The following YAE1 variants were observed in gnomAD, a reference collection of about 807,000 sequenced individuals.
YAE1 encodes the protein protein YAE1 homolog.
In YAE1, 22 loss-of-function variants were observed where a neutral mutation model predicts 23.0. The observed-to-expected ratio is 0.96, with a 90% CI of 0.68 to 1.37. The LOEUF is 1.37. YAE1 is among the 40% of genes most tolerant of loss of function. The pLI, the probability that YAE1 is intolerant of heterozygous loss-of-function variation, is 0.00. For synonymous variants in YAE1, 101 were observed against 97.0 expected (o/e 1.04, Z -0.24); for missense variants, 260 against 262.1 (o/e 0.99, Z 0.06).
At chr7:39,585,189 T>C (rs1790798177) in intron 2 of YAE1, among the ~76,000 whole-genome samples, 1 of 152,192 alleles carries the variant, frequency 6.6e-6, no homozygotes, top group Non-Finnish European at 1.5e-5. Flanking sequence ...TATTTAGATA[T>C]TCAGAAACAT....
chr7:39,610,117 G>A, exon 3 of YAE1: 1 of 1,034,808 alleles, frequency 9.7e-7, no homozygotes, highest in Non-Finnish European at 1.4e-6. Context: ...CGGCAAGCTA[G>A]AACAATATGT....
downstream of YAE1, among the ~76,000 whole-genome samples, chr7:39,577,334 A>C (rs1460869959): frequency 6.6e-6 from 1 of 152,118 alleles, no homozygotes; most frequent in African/African-American, 2.4e-5. Context: ...CTCAGCACCC[A>C]CTCTGGCTGC....
chr7:39,569,604 A>T (rs1790533307), intron 1 of YAE1: 2 of 597,252 alleles, frequency 3.3e-6, no homozygotes, highest in Admixed American at 1.9e-5. Context: ...CACAAATATC[A>T]TACAGAGTCC....
Position 39,572,372 on chromosome 7 carries a change from A to G in YAE1, c.347A>G (p.Tyr116Cys), listed in dbSNP as rs1413537264. ...GATGCAGTTGGCCAGTGTGAAGAGT[A>G]TGTGCTCAAACATCTGAAATCAATC... is the stretch of plus-strand genomic sequence containing the variant. ...LLDAVGQCEE[Y>C]VLKHLKSITP... The change falls in exon 3 of 3, where the codon TAT becomes TGT. Residue 116 changes from tyrosine (Y) to cysteine (C), a missense_variant. Physicochemically the swap from Tyr to Cys is radical, Grantham distance 194. Coordinates refer to ENST00000223273, the MANE Select transcript of YAE1 (RefSeq NM_020192.5). 6.2e-7 allele frequency: 1 copy of G among 1,614,044 alleles called. No individual in the cohort carries two copies. The highest frequency in any genetic ancestry group is 8.5e-7 in the Non-Finnish European group (1 of 1,179,994).
downstream of YAE1, among the ~76,000 whole-genome samples, chr7:39,610,545 G>A (rs1429925462): frequency 6.6e-6 from 1 of 152,182 alleles, no homozygotes; most frequent in Non-Finnish European, 1.5e-5. Flanking sequence ...GAGCAGCAGT[G>A]TAGCAAAATA....
At chr7:39,609,096 C>T (rs892268676) in intron 2 of YAE1, among the ~76,000 whole-genome samples, 1 of 152,192 alleles carries the variant, frequency 6.6e-6, no homozygotes, top group African/African-American at 2.4e-5. Context: ...GCACTCCAGC[C>T]CGCCAGCCCC....
chr7:39,577,311 G>T (rs966070664), downstream of YAE1, among the ~76,000 whole-genome samples: 1 of 152,242 alleles, frequency 6.6e-6, no homozygotes, highest in Non-Finnish European at 1.5e-5. Context: ...CTCACTCTAG[G>T]TGCCTCCTTG....
At chr7:39,575,577 A>AGAGAGAGAGAGAGAGAGAGTGTGTGTGT, downstream of YAE1, among the ~76,000 whole-genome samples, 1 of 80,274 alleles carries the variant, frequency 1.2e-5, no homozygotes, top group East Asian at 3.1e-4. Context: ...AGAGAGAGAG[A>AGAGAGAGAGAGAGAGAGAGTGTGTGTGT]GTGAGTGTGT....
chr7:39,601,758 CAAA>C (rs5883699), intron 2 of YAE1, among the ~76,000 whole-genome samples: 16 of 130,776 alleles, frequency 1.2e-4, no homozygotes, highest in Admixed American at 2.3e-4. Flanking sequence ...GACTCTGTCT[CAAA>C]AAAAAAAAAA....
intron 2 of YAE1, among the ~76,000 whole-genome samples, chr7:39,590,206 A>C (rs1436489312): frequency 6.6e-6 from 1 of 152,248 alleles, no homozygotes; most frequent in East Asian, 1.9e-4. Context: ...AATACACAAA[A>C]TAATACCGTT....
chr7:39,586,062 C>A (rs964420815), intron 2 of YAE1, among the ~76,000 whole-genome samples: 1 of 152,088 alleles, frequency 6.6e-6, no homozygotes, highest in African/African-American at 2.4e-5. Flanking sequence ...ATCGCACCAC[C>A]GCACTCCAGC....
intron 2 of YAE1, among the ~76,000 whole-genome samples, chr7:39,586,981 C>T (rs115629577): frequency 0.02 from 3,089 of 152,166 alleles, 126 homozygotes; most frequent in African/African-American, 0.069. Context: ...GGTTCACCAC[C>T]AGCCTAAAGC....
downstream of YAE1, among the ~76,000 whole-genome samples, chr7:39,575,581 A>AGTGT (rs1179474179): frequency 7.6e-5 from 8 of 105,440 alleles, no homozygotes; most frequent in African/African-American, 1.1e-4. Flanking sequence ...AGAGAGAGTG[A>AGTGT]GTGTGTGTGT....
intron 2 of YAE1, among the ~76,000 whole-genome samples, chr7:39,601,482 G>A (rs755277457): frequency 1.1e-4 from 16 of 151,918 alleles, no homozygotes; most frequent in Non-Finnish European, 2.2e-4. Flanking sequence ...ATAAAGGGCC[G>A]GGCACGGTGG....
At position 39,601,943 on chromosome 7, in the gene YAE1, G is replaced by A. The variant is rs146761633; in HGVS notation, c.252-7674G>A. On this transcript the variant is annotated intron_variant, in intron 2 of 2. Coordinates refer to the YAE1 transcript ENST00000432096. ...TTCTAACTTCAAGGGGCATAATGCC[G>A]AAGAGTGCCCAGCAAGTGGTTATCT... is the stretch of plus-strand genomic sequence containing the variant. Among the ~76,000 whole-genome samples the A allele has an allele frequency of 1.4e-3, 210 of 152,162 alleles. 2 individuals are homozygous for A. In the East Asian group the frequency reaches 0.017, roughly 12 times the overall value.
At chr7:39,605,417 C>T (rs143965039) in intron 2 of YAE1, among the ~76,000 whole-genome samples, 206 of 152,316 alleles carry the variant, frequency 1.4e-3, no homozygotes, top group Middle Eastern at 6.8e-3. Flanking sequence ...CTATGGGTAG[C>T]CCTTGTCCAA....
intron 2 of YAE1, among the ~76,000 whole-genome samples, chr7:39,587,322 G>T (rs1429729856): frequency 1.3e-5 from 2 of 151,876 alleles, no homozygotes; most frequent in Admixed American, 6.6e-5. Flanking sequence ...CTCCCAATGT[G>T]CTGGGATTAC....
intron 2 of YAE1, among the ~76,000 whole-genome samples, chr7:39,594,877 T>C (rs554565846): frequency 6.6e-6 from 1 of 152,350 alleles, no homozygotes; most frequent in Admixed American, 6.5e-5. Context: ...ATTACAGGTG[T>C]CAGCCACCGT....
chr7:39,603,455 T>TA (rs1791084384), intron 2 of YAE1, among the ~76,000 whole-genome samples: 1 of 152,138 alleles, frequency 6.6e-6, no homozygotes, highest in African/African-American at 2.4e-5. Flanking sequence ...TGAGTTTTGA[T>TA]ATGCAAAAGT....
Sources: gnomAD v4.1 joint callset for allele counts (sites outside exome capture counted in the v4.1 genomes callset) on GRCh38, gnomAD v4.1.1 for gene constraint, MANE v1.5 for transcripts, NCBI Gene and HGNC (gene_info 2026-07-23, HGNC 2026-07-21) for gene names.